KIAA2012: variants seen among roughly 807,000 people sequenced by gnomAD.
KIAA2012 encodes the protein uncharacterized protein KIAA2012.
A neutral mutation model predicts 150.6 loss-of-function variants in KIAA2012; 125 were observed. The observed-to-expected ratio is 0.83, with a 90% CI of 0.72 to 0.96. KIAA2012 has a LOEUF of 0.96. Among genes scored for constraint, KIAA2012 ranks in the 40% least tolerant of loss-of-function variants. KIAA2012 has a pLI of 0.00. For missense variants in KIAA2012, 1,219 were observed against 1,354.9 expected, an observed-to-expected ratio of 0.90 and a Z score of 1.57; for synonymous variants, 462 against 504.7, an observed-to-expected ratio of 0.92 and a Z score of 1.13.
intron 13 of KIAA2012, among the ~76,000 whole-genome samples, chr2:202,146,588 C>A (rs369259128): frequency 9.7e-5 from 14 of 144,246 alleles, no homozygotes; most frequent in African/African-American, 3.6e-4. Context: ...GCTGAGATTG[C>A]GCCACTGCAC....
chr2:202,099,645 T>C lies in KIAA2012; in HGVS notation c.861T>C (p.Tyr287=). 1.3e-6 allele frequency: 2 copies of C among 1,550,366 alleles called. No homozygotes were observed. The highest frequency in any genetic ancestry group is 1.4e-5 in the African/African-American group (1 of 73,160). Residue 287 remains tyrosine (Y), a synonymous_variant, in exon 6 of 24, where the codon TAT becomes TAC. Coordinates refer to ENST00000498697, the MANE Select transcript of KIAA2012 (RefSeq NM_001277372.4). ...CAATAGAGAATCACCTTTGTTTATA[T>C]GCTTCAAAGGAGAGCTACAATGAAA... ...DTSIENHLCL[Y]ASKESYNEKT...
intron 22 of KIAA2012, among the ~76,000 whole-genome samples, chr2:202,198,452 G>C (rs1692452189): frequency 6.6e-6 from 1 of 152,196 alleles, no homozygotes; most frequent in South Asian, 2.1e-4. Context: ...TGAAGTTAGG[G>C]ATGTGGCCCC....
At chr2:202,153,437 GC>G (rs1691467791) in intron 13 of KIAA2012, among the ~76,000 whole-genome samples, 1 of 152,322 alleles carries the variant, frequency 6.6e-6, no homozygotes, top group African/African-American at 2.4e-5. Flanking sequence ...GAGCTCAAGG[GC>G]TGGTGCCCAT....
At chr2:202,119,129 A>G (rs1690597098) in intron 11 of KIAA2012, among the ~76,000 whole-genome samples, 1 of 152,142 alleles carries the variant, frequency 6.6e-6, no homozygotes, top group Non-Finnish European at 1.5e-5. Context: ...AAAATTAGCC[A>G]GGCATGATGG....
At chr2:202,084,349 G>T (rs1380539936) in intron 2 of KIAA2012, among the ~76,000 whole-genome samples, 2 of 152,164 alleles carry the variant, frequency 1.3e-5, no homozygotes, top group Non-Finnish European at 2.9e-5. Flanking sequence ...AGAGCAGGTG[G>T]ACAAGACAGC....
At chr2:202,128,552 G>A (rs956668881) in intron 12 of KIAA2012, among the ~76,000 whole-genome samples, 5 of 151,952 alleles carry the variant, frequency 3.3e-5, no homozygotes, top group South Asian at 2.1e-4. Flanking sequence ...GATTACAGGC[G>A]TGAGGCACCA....
rs763699918 is a variant in KIAA2012, at chr2:202,194,345, A to G, written c.3170A>G (p.Glu1057Gly). ...GAACTACAGAGAAAAAAGCAGCAGG[A>G]GGAAGCCGAGAGGGCCGGTGAGGGG... is the stretch of plus-strand genomic sequence containing the variant. ...LRELQRKKQQ[E>G]EAERAEAEKQ... The change falls in exon 21 of 24, where the codon GAG becomes GGG. Residue 1057 changes from glutamate (E) to glycine (G), a missense_variant. Glu to Gly is a moderately conservative substitution (Grantham distance 98, BLOSUM62 -2). Transcript: ENST00000498697. The G allele has an allele frequency of 6.5e-7, 1 of 1,550,110 alleles. No homozygotes were observed. Among genetic ancestry groups the G allele is most frequent in the Non-Finnish European group, 8.7e-7 (1 of 1,146,984 alleles).
chr2:202,165,955 C>T (rs1276401389), intron 15 of KIAA2012, among the ~76,000 whole-genome samples: 2 of 152,194 alleles, frequency 1.3e-5, no homozygotes, highest in Admixed American at 1.3e-4. Context: ...CACATGAGCT[C>T]TTACCACCTC....
At chr2:202,100,753 A>T (rs1417565033) in intron 7 of KIAA2012, among the ~76,000 whole-genome samples, 2 of 152,238 alleles carry the variant, frequency 1.3e-5, no homozygotes, top group Non-Finnish European at 2.9e-5. Flanking sequence ...TTATCTGTAA[A>T]CGTTTTAAAG....
intron 14 of KIAA2012, among the ~76,000 whole-genome samples, chr2:202,157,462 A>T (rs960890163): frequency 6.6e-6 from 1 of 152,160 alleles, no homozygotes; most frequent in Non-Finnish European, 1.5e-5. Flanking sequence ...GTTGCAGGGG[A>T]TGAGGGTAGG....
chr2:202,100,168 C>A, intron 6 of KIAA2012, 139 bp from the exon 7 acceptor site: 13 of 910,656 alleles, frequency 1.4e-5, no homozygotes, highest in Non-Finnish European at 1.8e-5. Context: ...CTGCCTCCCC[C>A]AAAGCTAGGG....
intron 15 of KIAA2012, among the ~76,000 whole-genome samples, chr2:202,183,476 ATTTTTTTTTT>A (rs71406950): frequency 1.0e-5 from 1 of 95,830 alleles, no homozygotes; most frequent in African/African-American, 4.1e-5. Context: ...GGTTTTTTAA[ATTTTTTTTTT>A]TTTTTTTTTT....
intron 2 of KIAA2012, among the ~76,000 whole-genome samples, chr2:202,086,167 CAAAAAAAA>C (rs56207993): frequency 3.3e-5 from 3 of 90,152 alleles, no homozygotes; most frequent in Admixed American, 2.7e-4. Context: ...AACTCTGTCT[CAAAAAAAA>C]AAAAAAAAAA....
chr2:202,094,804 T>C (rs1264187812), intron 4 of KIAA2012, among the ~76,000 whole-genome samples: 6 of 152,082 alleles, frequency 3.9e-5, no homozygotes, highest in Non-Finnish European at 8.8e-5. Context: ...CAGGCATGAG[T>C]CACCGCTCTC....
At chr2:202,121,637 G>A (rs978826862) in intron 11 of KIAA2012, among the ~76,000 whole-genome samples, 2 of 152,184 alleles carry the variant, frequency 1.3e-5, no homozygotes, top group African/African-American at 2.4e-5. Flanking sequence ...CATATCATAG[G>A]TAAGGAGACT....
chr2:202,135,319 T>C (rs1334466750), intron 12 of KIAA2012, among the ~76,000 whole-genome samples: 1 of 152,224 alleles, frequency 6.6e-6, no homozygotes, highest in Non-Finnish European at 1.5e-5. Flanking sequence ...CTGTAAAAAC[T>C]GGAATGTGCA....
chr2:202,178,198 C>G (rs2105735042), intron 15 of KIAA2012, among the ~76,000 whole-genome samples: 2 of 148,090 alleles, frequency 1.4e-5, no homozygotes, highest in South Asian at 4.6e-4. Context: ...GACTCTGTCT[C>G]AGAAAAAGAA....
intron 12 of KIAA2012, among the ~76,000 whole-genome samples, chr2:202,127,397 G>A (rs1288848940): frequency 1.3e-5 from 2 of 152,206 alleles, no homozygotes; most frequent in Non-Finnish European, 2.9e-5. Flanking sequence ...AACCTAGCTA[G>A]AAACAGCTGC....
At chr2:202,109,551 TC>T in intron 9 of KIAA2012, 61 bp from the exon 10 acceptor site, 2 of 1,410,696 alleles carry the variant, frequency 1.4e-6, no homozygotes, top group Non-Finnish European at 1.9e-6. Context: ...GAAGAGAGCT[TC>T]CTTCTCCTTC....
Sources: allele counts gnomAD v4.1 joint callset (sites outside exome capture counted in the v4.1 genomes callset), GRCh38; gene constraint gnomAD v4.1.1; transcripts MANE v1.5; gene names NCBI Gene and HGNC (gene_info 2026-07-23, HGNC 2026-07-21).